OSBPL10: variants seen among roughly 807,000 people sequenced by gnomAD.
OSBPL10 encodes oxysterol-binding protein-related protein 10.
Under a neutral mutation model 81.7 loss-of-function variants are expected in OSBPL10, and 49 were observed. That is an observed-to-expected ratio of 0.60 (90% confidence interval 0.48 to 0.76). OSBPL10 has a LOEUF of 0.76. Among genes scored for constraint, OSBPL10 ranks in the 30% least tolerant of loss-of-function variants. The pLI, the probability that OSBPL10 is intolerant of heterozygous loss-of-function variation, is 0.00. For synonymous variants in OSBPL10, 419 were observed against 383.6 expected, an observed-to-expected ratio of 1.09 and a Z score of -1.08; for missense variants, 923 against 987.8, an observed-to-expected ratio of 0.93 and a Z score of 0.88.
intron 5 of OSBPL10, among the ~76,000 whole-genome samples, chr3:31,742,529 T>C (rs1697385536): frequency 6.6e-6 from 1 of 152,218 alleles, no homozygotes; most frequent in Non-Finnish European, 1.5e-5. Context: ...ATCTACTGCA[T>C]TCTGCCAAGG....
intron 4 of OSBPL10, among the ~76,000 whole-genome samples, chr3:31,828,822 C>G (rs1029616947): frequency 6.6e-6 from 1 of 152,204 alleles, no homozygotes; most frequent in Non-Finnish European, 1.5e-5. Context: ...CATGGGCCAC[C>G]AGGCCCGGCC....
At chr3:31,900,952 A>G (rs1696218250) in intron 1 of OSBPL10, among the ~76,000 whole-genome samples, 1 of 152,258 alleles carries the variant, frequency 6.6e-6, no homozygotes, top group African/African-American at 2.4e-5. Context: ...TGTTAATGAA[A>G]AATAAATTTG....
intron 4 of OSBPL10, among the ~76,000 whole-genome samples, chr3:31,761,824 A>ACAAACAAAC (rs899795368): frequency 6.7e-6 from 1 of 149,616 alleles, no homozygotes; most frequent in African/African-American, 2.6e-5. Context: ...AAAAAAAAAA[A>ACAAACAAAC]AAAAAAACCC....
intron 1 of OSBPL10, among the ~76,000 whole-genome samples, chr3:31,897,588 A>G (rs984757889): frequency 6.6e-6 from 1 of 152,236 alleles, no homozygotes; most frequent in Non-Finnish European, 1.5e-5. Flanking sequence ...ATGTAGATTC[A>G]TTATAGTAAA....
intron 1 of OSBPL10, among the ~76,000 whole-genome samples, chr3:31,953,857 G>A (rs1575057910): frequency 6.6e-6 from 1 of 152,214 alleles, no homozygotes; most frequent in East Asian, 1.9e-4. Context: ...GTGACAGAGA[G>A]ACAGAGACAG....
chr3:31,777,342 A>G (rs1698573138), intron 4 of OSBPL10, among the ~76,000 whole-genome samples: 1 of 152,226 alleles, frequency 6.6e-6, no homozygotes, highest in Non-Finnish European at 1.5e-5. Context: ...TCTTTAGATA[A>G]GAGAGCCACT....
At chr3:31,819,931 T>C (rs1382537990) in intron 4 of OSBPL10, among the ~76,000 whole-genome samples, 2 of 152,216 alleles carry the variant, frequency 1.3e-5, no homozygotes, top group Non-Finnish European at 1.5e-5. Flanking sequence ...CATCTGTAGA[T>C]GGCCACTTCT....
intron 4 of OSBPL10, among the ~76,000 whole-genome samples, chr3:31,818,446 C>A (rs75579738): frequency 0.69 from 104,621 of 151,598 alleles, 36,619 homozygotes; most frequent in East Asian, 0.93. Flanking sequence ...TGCACGGGTG[C>A]ATATGTATGT....
chr3:32,013,940 G>C (rs1354446534), intron 2 of OSBPL10, among the ~76,000 whole-genome samples: 1 of 152,208 alleles, frequency 6.6e-6, no homozygotes, highest in Admixed American at 6.5e-5. Flanking sequence ...CACTGAAATT[G>C]AGGCAATAAT....
intron 3 of OSBPL10, among the ~76,000 whole-genome samples, chr3:31,841,222 A>C (rs1193568174): frequency 6.6e-6 from 1 of 152,206 alleles, no homozygotes; most frequent in African/African-American, 2.4e-5. Flanking sequence ...TTATTTTTAA[A>C]ACACAAATAT....
In OSBPL10 at chr3:31,761,564, C is replaced by T. The variant is rs1698042315; in HGVS notation, c.730-13444G>A. ...TGGTATGGTGGCTCACGCCTGTAAT[C>T]CCAGCACTTTGGGAGGCCGAAGTGG... On this transcript the variant is annotated intron_variant, in intron 4 of 11. Coordinates refer to ENST00000396556, the MANE Select transcript of OSBPL10 (RefSeq NM_017784.5). 2.6e-5 allele frequency among the ~76,000 whole-genome samples: 4 copies of T among 151,652 alleles called. No individual in the cohort carries two copies. The South Asian group carries it at 8.3e-4, about 31-fold the overall frequency.
At chr3:31,711,950 G>GT (rs1696269065) in intron 6 of OSBPL10, among the ~76,000 whole-genome samples, 1 of 152,128 alleles carries the variant, frequency 6.6e-6, no homozygotes, top group Non-Finnish European at 1.5e-5. Context: ...GAGGAAGGGC[G>GT]TGCCCAGGGT....
chr3:31,720,881 CAAAAAA>C (rs61492992), intron 6 of OSBPL10, among the ~76,000 whole-genome samples: 12 of 66,306 alleles, frequency 1.8e-4, no homozygotes, highest in African/African-American at 3.7e-4. Flanking sequence ...GACTCTGTCT[CAAAAAA>C]AAAAAAAAAA....
At chr3:31,678,108 A>AAAAAAAAT (rs1700531679) in intron 8 of OSBPL10, among the ~76,000 whole-genome samples, 1 of 150,226 alleles carries the variant, frequency 6.7e-6, no homozygotes, top group South Asian at 2.1e-4. Context: ...AAAAAAAAAA[A>AAAAAAAAT]GACAGAGCAA....
chr3:31,731,456 T>A (rs1399451788), intron 6 of OSBPL10, among the ~76,000 whole-genome samples: 2 of 152,026 alleles, frequency 1.3e-5, no homozygotes. Flanking sequence ...TGTATTTTTT[T>A]AAAGTTGAAC....
chr3:31,867,472 T>C (rs1032445085), intron 3 of OSBPL10, among the ~76,000 whole-genome samples: 5 of 152,158 alleles, frequency 3.3e-5, no homozygotes, highest in Admixed American at 2.0e-4. Context: ...CGGGACACGG[T>C]GGCTCTCACC....
intron 1 of OSBPL10, among the ~76,000 whole-genome samples, chr3:31,884,362 G>C (rs1695673560): frequency 6.6e-6 from 1 of 152,182 alleles, no homozygotes; most frequent in Non-Finnish European, 1.5e-5. Context: ...TCTAAAGACA[G>C]TTAAAATTTT....
At chr3:31,815,091 C>T (rs1187885639) in intron 4 of OSBPL10, among the ~76,000 whole-genome samples, 1 of 151,928 alleles carries the variant, frequency 6.6e-6, no homozygotes, top group Non-Finnish European at 1.5e-5. Flanking sequence ...TCTGAAGTGG[C>T]CACACTGGAA....
intron 1 of OSBPL10, among the ~76,000 whole-genome samples, chr3:32,072,806 G>T (rs1275631685): frequency 2.0e-5 from 3 of 152,128 alleles, no homozygotes; most frequent in East Asian, 1.9e-4. Context: ...TCACTGGATA[G>T]GTAGAGGCCT....
Sources: allele counts gnomAD v4.1 joint callset (sites outside exome capture counted in the v4.1 genomes callset), GRCh38; gene constraint gnomAD v4.1.1; transcripts MANE v1.5; gene names NCBI Gene and HGNC (gene_info 2026-07-23, HGNC 2026-07-21).